Variants in TRIM2 observed in about 807,000 individuals in gnomAD.
The protein encoded by TRIM2 is tripartite motif-containing protein 2.
A neutral mutation model predicts 75.2 loss-of-function variants in TRIM2; 20 were observed. The observed-to-expected ratio is 0.27, with a 90% CI of 0.19 to 0.39. The LOEUF is 0.39. Ranked by LOEUF, TRIM2 falls within the 10% of genes least tolerant of loss-of-function variation. The probability of loss-of-function intolerance (pLI) is 1.00; values close to 1 mark genes in which losing one functional copy is unlikely to be tolerated. For synonymous variants in TRIM2, 373 were observed against 388.3 expected, an observed-to-expected ratio of 0.96 and a Z score of 0.46; for missense variants, 660 against 990.8, an observed-to-expected ratio of 0.67 and a Z score of 4.48.
At chr4:153,153,894 CA>C (rs1728976844) in intron 1 of TRIM2, among the ~76,000 whole-genome samples, 1 of 152,240 alleles carries the variant, frequency 6.6e-6, no homozygotes, top group Non-Finnish European at 1.5e-5. Flanking sequence ...CTTCTCTTCG[CA>C]CAAGGGGTTT....
intron 1 of TRIM2, among the ~76,000 whole-genome samples, chr4:153,239,832 CTCTTTT>C (rs1325701983): frequency 2.2e-5 from 3 of 139,448 alleles, no homozygotes; most frequent in Admixed American, 7.1e-5. Flanking sequence ...AACTTTCTTT[CTCTTTT>C]TTTTTTTTTT....
chr4:153,177,983 G>A (rs1424233375), intron 1 of TRIM2, among the ~76,000 whole-genome samples: 1 of 151,982 alleles, frequency 6.6e-6, no homozygotes, highest in Non-Finnish European at 1.5e-5. Context: ...TGTATTTTTT[G>A]TAGAGATAGG....
intron 6 of TRIM2, among the ~76,000 whole-genome samples, chr4:153,315,243 C>G (rs139652775): frequency 6.6e-6 from 1 of 152,222 alleles, no homozygotes; most frequent in East Asian, 1.9e-4. Flanking sequence ...TATGCAGCTA[C>G]AAATTAATAA....
At position 153,189,301 on chromosome 4, in the gene TRIM2, G is replaced by C. The variant is rs575628330; in HGVS notation, c.-49+36031G>C. On this transcript the variant is annotated intron_variant, in intron 1 of 11. Coordinates refer to the TRIM2 transcript ENST00000437508. ...TCCAAAACAGAGTCTAGTTTCCCTG[G>C]TGGATGAGATTCAAGGGAGAGGAAA... 8.5e-5 allele frequency among the ~76,000 whole-genome samples: 13 copies of C among 152,356 alleles called. No homozygotes were observed. The South Asian group carries it at 2.1e-3, about 24-fold the overall frequency.
intron 1 of TRIM2, among the ~76,000 whole-genome samples, chr4:153,249,829 A>G (rs1253838735): frequency 6.6e-6 from 1 of 152,244 alleles, no homozygotes; most frequent in Non-Finnish European, 1.5e-5. Flanking sequence ...CTTAAGAGAA[A>G]AACAATACTT....
rs1328492588 is a variant in TRIM2 at position 153,322,642 on chromosome 4, A to T, written c.1783-6A>T. 1 of 1,613,024 alleles carries T rather than the reference A, an allele frequency of 6.2e-7. No homozygotes were observed. The highest frequency in any genetic ancestry group is 2.2e-5 in the East Asian group (1 of 44,834). ...GTACTTCTATTTCTGTACTTGTTTC[A>T]AACAGACAAAAATTGGATCAGGAAA... On this transcript the variant is annotated splice_polypyrimidine_tract_variant and splice_region_variant and intron_variant, in intron 8 of 11. Coordinates refer to ENST00000338700, the MANE Select transcript of TRIM2 (RefSeq NM_015271.5).
chr4:153,250,970 A>G (rs911636138), intron 1 of TRIM2, among the ~76,000 whole-genome samples: 1 of 152,212 alleles, frequency 6.6e-6, no homozygotes, highest in African/African-American at 2.4e-5. Flanking sequence ...TGTGCAATGT[A>G]TAACATTAAA....
intron 1 of TRIM2, among the ~76,000 whole-genome samples, chr4:153,158,884 T>A (rs924901637): frequency 1.3e-5 from 2 of 152,218 alleles, no homozygotes; most frequent in African/African-American, 4.8e-5. Flanking sequence ...TGCAGGAGCA[T>A]GGATTTGGCA....
At chr4:153,296,318 A>G (rs1185050059) in intron 6 of TRIM2, among the ~76,000 whole-genome samples, 1 of 152,322 alleles carries the variant, frequency 6.6e-6, no homozygotes, top group East Asian at 1.9e-4. Context: ...GTAGGAAATT[A>G]CAAGCTGAAA....
At chr4:153,334,730 A>G in intron 11 of TRIM2, 84 bp from the exon 12 acceptor site, 2 of 1,259,522 alleles carry the variant, frequency 1.6e-6, no homozygotes, top group South Asian at 3.3e-5. Flanking sequence ...ACAGAAAAAC[A>G]TTAGCATCAA....
chr4:153,239,832 C>CTTTTT lies in TRIM2; in HGVS notation c.31-30502_31-30501insTTTTT, dbSNP rs142457664. Among the ~76,000 whole-genome samples, 154 of 139,416 alleles carry CTTTTT rather than the reference C, an allele frequency of 1.1e-3. 6 individuals carry two copies. Among genetic ancestry groups the CTTTTT allele is most frequent in the African/African-American group, 1.9e-3 (69 of 37,014 alleles). 91.5% of individuals were successfully genotyped at this position (139,416 alleles called of 152,430 possible). A position where few individuals can be genotyped will look rare whatever the true frequency, so the allele number is the denominator to read the frequency against. ...GCATGACAGCATCCTAACTTTCTTTCTCTTTTTTTTTTTTTTTTTTGTAAG... is the reference window on the plus strand; with the variant it reads ...GCATGACAGCATCCTAACTTTCTTTCTTTTTTCTTTTTTTTTTTTTTTTTTGTAAG... On this transcript the variant is annotated intron_variant, in intron 1 of 11. Coordinates refer to ENST00000338700, the MANE Select transcript of TRIM2 (RefSeq NM_015271.5).
intron 1 of TRIM2, among the ~76,000 whole-genome samples, chr4:153,210,398 G>A (rs1036129930): frequency 3.3e-5 from 5 of 152,132 alleles, no homozygotes; most frequent in African/African-American, 9.7e-5. Context: ...GGGACATCAA[G>A]CAAAATGTTG....
rs1749996966 is a variant in TRIM2, at chr4:153,248,778, T to C, written c.31-21557T>C. On this transcript the variant is annotated intron_variant, in intron 1 of 11. Coordinates refer to ENST00000338700, the MANE Select transcript of TRIM2 (RefSeq NM_015271.5). This position sits in a 1 kb window ranked among gnomAD's most constrained non-coding sequence, Gnocchi z 4.0. ...TTAGGAAAATACTCTTCTGGTAACA[T>C]GTTGGAGGGGCAGCCTTCTGAGGAT... 6.6e-6 allele frequency among the ~76,000 whole-genome samples: 1 copy of C among 152,254 alleles called. No homozygotes were observed. Among genetic ancestry groups the C allele is most frequent in the Non-Finnish European group, 1.5e-5 (1 of 68,038 alleles).
chr4:153,285,721 T>C lies in TRIM2; in HGVS notation c.454-7261T>C, dbSNP rs147598540. Among the ~76,000 whole-genome samples, 406 of 152,156 alleles carry C rather than the reference T, an allele frequency of 2.7e-3. 2 individuals are homozygous for C. The highest frequency in any genetic ancestry group is 9.4e-3 in the African/African-American group (388 of 41,476). ...TTAATCTTGTATCCTGCAACTTTGC[T>C]GAATTCATTTATTAGCTCTAATTGT... On this transcript the variant is annotated intron_variant, in intron 3 of 11. Transcript: ENST00000338700.
chr4:153,257,255 G>A (rs1752293307), intron 1 of TRIM2: 1 of 272,712 alleles, frequency 3.7e-6, no homozygotes, highest in Non-Finnish European at 6.4e-6. Flanking sequence ...GAGCTCAGCG[G>A]CCCAGCACGA....
chr4:153,187,990 C>A (rs1732780377), intron 1 of TRIM2, among the ~76,000 whole-genome samples: 1 of 152,098 alleles, frequency 6.6e-6, no homozygotes. Context: ...TCTGGGAGGA[C>A]CTCACAGGCT....
intron 3 of TRIM2, among the ~76,000 whole-genome samples, chr4:153,290,882 G>A (rs1761716075): frequency 1.3e-5 from 2 of 152,168 alleles, no homozygotes; most frequent in Non-Finnish European, 2.9e-5. Flanking sequence ...TCCCACCTTG[G>A]CCTTCCAAAG....
chr4:153,325,469 A>C (rs1425595097), intron 10 of TRIM2, among the ~76,000 whole-genome samples: 1 of 152,174 alleles, frequency 6.6e-6, no homozygotes, highest in Non-Finnish European at 1.5e-5. Context: ...ATAGTGGAAA[A>C]AGTTGGTAGC....
At chr4:153,241,386 T>C (rs1484267586) in intron 1 of TRIM2, among the ~76,000 whole-genome samples, 2 of 152,280 alleles carry the variant, frequency 1.3e-5, no homozygotes, top group East Asian at 1.9e-4. Context: ...TGCACCATCG[T>C]TGGGGGATGG....
Sources: gnomAD v4.1 joint callset for allele counts (sites outside exome capture counted in the v4.1 genomes callset) on GRCh38, gnomAD v4.1.1 for gene constraint, Gnocchi (gnomAD v3.1) non-coding constraint, MANE v1.5 for transcripts, NCBI Gene and HGNC (gene_info 2026-07-23, HGNC 2026-07-21) for gene names.